NKAIN1: variants seen among roughly 807,000 people sequenced by gnomAD.
NKAIN1 encodes the protein sodium/potassium-transporting ATPase subunit beta-1-interacting protein 1.
A neutral mutation model predicts 31.6 loss-of-function variants in NKAIN1; 13 were observed. The ratio of observed to expected loss-of-function variants is 0.41; its 90% confidence interval spans 0.27 to 0.65. The LOEUF is 0.65. NKAIN1 is among the 30% of genes least tolerant of loss of function. NKAIN1 has a pLI of 0.30. For synonymous variants in NKAIN1, 104 were observed against 109.0 expected, an observed-to-expected ratio of 0.95 and a Z score of 0.28; for missense variants, 193 against 262.2, an observed-to-expected ratio of 0.74 and a Z score of 1.82.
chr1:31,212,565 C>T (rs942250967), intron 1 of NKAIN1, among the ~76,000 whole-genome samples: 6 of 152,084 alleles, frequency 3.9e-5, no homozygotes, highest in South Asian at 2.1e-4. Flanking sequence ...CCACCAAACC[C>T]GGCTACTTTT....
At chr1:31,202,165 C>T (rs1261912392) in intron 1 of NKAIN1, among the ~76,000 whole-genome samples, 1 of 152,204 alleles carries the variant, frequency 6.6e-6, no homozygotes, top group Admixed American at 6.5e-5. Flanking sequence ...ACCCCATCCC[C>T]TCATCTCAGT....
chr1:31,190,514 C>T (rs1046152623), intron 1 of NKAIN1, among the ~76,000 whole-genome samples: 2 of 152,308 alleles, frequency 1.3e-5, no homozygotes, highest in African/African-American at 2.4e-5. Flanking sequence ...TTCTCAGCCA[C>T]CTGTCCCATC....
At chr1:31,196,990 T>G (rs1645332341) in intron 1 of NKAIN1, among the ~76,000 whole-genome samples, 3 of 152,166 alleles carry the variant, frequency 2.0e-5, no homozygotes, top group Non-Finnish European at 4.4e-5. Context: ...TCACAGTATC[T>G]TCCTCATAGG....
chr1:31,210,156 A>G (rs1384194199), intron 1 of NKAIN1, among the ~76,000 whole-genome samples: 1 of 152,102 alleles, frequency 6.6e-6, no homozygotes, highest in Non-Finnish European at 1.5e-5. Flanking sequence ...TGTCTTAGTA[A>G]TGCATCTCTT....
intron 1 of NKAIN1, among the ~76,000 whole-genome samples, chr1:31,214,972 G>A (rs370778166): frequency 7.2e-5 from 11 of 152,206 alleles, no homozygotes; most frequent in African/African-American, 1.9e-4. Context: ...TGCTGGAGGC[G>A]TTAAGCACCT....
chr1:31,234,843 GCT>G lies in NKAIN1; in HGVS notation c.54+4649_54+4650del, dbSNP rs1178585614. On this transcript the variant is annotated intron_variant, in intron 1 of 6. Transcript: ENST00000373736. ...AGAGTAGCACGGGGCTGAGAGGGTG[GCT>G]CTCTGTTCAGACAGAAGAGTCCTCG... Among the ~76,000 whole-genome samples, 3 of 152,270 alleles carry G rather than the reference GCT, an allele frequency of 2.0e-5. No individual in the cohort carries two copies. In the East Asian group the frequency reaches 5.8e-4, roughly 29 times the overall value.
chr1:31,234,700 T>C (rs1188708944), intron 1 of NKAIN1, among the ~76,000 whole-genome samples: 2 of 152,152 alleles, frequency 1.3e-5, no homozygotes, highest in Non-Finnish European at 2.9e-5. Context: ...GGGCACTCAC[T>C]GGCTCACAGT....
intron 1 of NKAIN1, among the ~76,000 whole-genome samples, chr1:31,208,058 C>A (rs1295523054): frequency 6.6e-6 from 1 of 152,132 alleles, no homozygotes; most frequent in Non-Finnish European, 1.5e-5. Context: ...TGTGGCCTGA[C>A]TCCCTGCACT....
At chr1:31,187,248 T>C (rs1645251079) in intron 2 of NKAIN1, among the ~76,000 whole-genome samples, 1 of 152,160 alleles carries the variant, frequency 6.6e-6, no homozygotes, top group East Asian at 1.9e-4. Flanking sequence ...GTAGTAAATC[T>C]AGTGAAAAGC....
intron 1 of NKAIN1, among the ~76,000 whole-genome samples, chr1:31,190,238 G>A (rs906175516): frequency 3.9e-5 from 6 of 152,184 alleles, no homozygotes; most frequent in African/African-American, 1.2e-4. Context: ...GACCAAGGAA[G>A]CTGCAGGCTT....
At chr1:31,219,118 C>T (rs1183808533) in intron 1 of NKAIN1, among the ~76,000 whole-genome samples, 1 of 152,268 alleles carries the variant, frequency 6.6e-6, no homozygotes, top group East Asian at 1.9e-4. Context: ...ACCAAACTAA[C>T]AACCTCCTAA....
intron 1 of NKAIN1, among the ~76,000 whole-genome samples, chr1:31,220,069 G>A (rs548331758): frequency 1.5e-4 from 22 of 148,214 alleles, no homozygotes; most frequent in Non-Finnish European, 3.0e-4. Flanking sequence ...GTGCAATGGC[G>A]TGATCTCGGC....
intron 1 of NKAIN1, among the ~76,000 whole-genome samples, chr1:31,234,770 G>A (rs1057319007): frequency 6.6e-6 from 1 of 152,122 alleles, no homozygotes; most frequent in Non-Finnish European, 1.5e-5. Context: ...ATGAGGAAAC[G>A]CAGGCTTGGA....
In NKAIN1 at chr1:31,188,218, AC is replaced by A; in HGVS notation, c.55-32del. On this transcript the variant is annotated intron_variant, in intron 1 of 6. Transcript: ENST00000373736. ...GAAGAGACAGGCTGAGGCCACTGTC[AC>A]CCCCCTGAAAGGGAAGGACAGGGAT... 3 of 1,547,614 alleles carry A rather than the reference AC, an allele frequency of 1.9e-6. No individual in the cohort carries two copies. In the South Asian group the frequency reaches 3.6e-5, roughly 19 times the overall value.
chr1:31,200,301 C>T (rs1645369646), intron 1 of NKAIN1, among the ~76,000 whole-genome samples: 1 of 152,192 alleles, frequency 6.6e-6, no homozygotes, highest in South Asian at 2.1e-4. Flanking sequence ...ACTGTAAACA[C>T]AGGACCAAAA....
Position 31,197,633 on chromosome 1 carries a change from A to G in NKAIN1, c.55-9446T>C, listed in dbSNP as rs139885228. 4.3e-3 allele frequency among the ~76,000 whole-genome samples: 598 copies of G among 139,974 alleles called. 36 individuals carry two copies. The East Asian group carries it at 0.1, about 24-fold the overall frequency. 91.8% of individuals were successfully genotyped at this position (139,974 alleles called of 152,430 possible). On this transcript the variant is annotated intron_variant, in intron 1 of 6. Coordinates refer to ENST00000373736, the MANE Select transcript of NKAIN1 (RefSeq NM_024522.3). ...GCGATCTCGGCTTGCTGCAACCTCT[A>G]TCTCCCGGGTTCAAGCGATTCTCCT...
intron 1 of NKAIN1, among the ~76,000 whole-genome samples, chr1:31,218,505 T>C (rs575652834): frequency 6.6e-6 from 1 of 152,330 alleles, no homozygotes; most frequent in South Asian, 2.1e-4. Flanking sequence ...AACTTGAAAC[T>C]GAGCTCAGGG....
At chr1:31,219,625 T>C (rs541194134) in intron 1 of NKAIN1, among the ~76,000 whole-genome samples, 74 of 152,326 alleles carry the variant, frequency 4.9e-4, no homozygotes, top group Non-Finnish European at 1.0e-3. Flanking sequence ...ACCGCCCAGG[T>C]CCCCTGTAGC....
chr1:31,229,909 A>C (rs1005417881), intron 1 of NKAIN1, among the ~76,000 whole-genome samples: 1 of 152,194 alleles, frequency 6.6e-6, no homozygotes, highest in African/African-American at 2.4e-5. Flanking sequence ...AGGCCCAAAG[A>C]GGCCACGCCT....
Sources: allele counts gnomAD v4.1 joint callset (sites outside exome capture counted in the v4.1 genomes callset), GRCh38; gene constraint gnomAD v4.1.1; transcripts MANE v1.5; gene names NCBI Gene and HGNC (gene_info 2026-07-23, HGNC 2026-07-21).